Variants in CCSER1 observed in about 807,000 individuals in gnomAD.
The protein encoded by CCSER1 is coiled-coil serine rich protein 1.
Under a neutral mutation model 82.0 loss-of-function variants are expected in CCSER1, and 41 were observed. The observed-to-expected ratio is 0.50, with a 90% CI of 0.39 to 0.65. The LOEUF is 0.65. Among genes scored for constraint, CCSER1 ranks in the 30% least tolerant of loss-of-function variants. CCSER1 has a pLI of 0.00. For missense variants in CCSER1, 1,119 were observed against 1,064.2 expected (o/e 1.05, Z -0.72); for synonymous variants, 414 against 383.9 (o/e 1.08, Z -0.92).
intron 7 of CCSER1, among the ~76,000 whole-genome samples, chr4:90,792,942 G>T (rs1400769924): frequency 1.3e-5 from 2 of 152,198 alleles, no homozygotes; most frequent in African/African-American, 4.8e-5. Flanking sequence ...GATAAGGGAA[G>T]TGTTTGGAGT....
intron 10 of CCSER1, among the ~76,000 whole-genome samples, chr4:91,474,812 TACACACACACAC>T (rs67642697): frequency 9.7e-4 from 64 of 66,044 alleles, no homozygotes; most frequent in African/African-American, 2.1e-3. Context: ...TATATATATA[TACACACACACAC>T]ACACACACAC....
chr4:90,143,287 A>G (rs957423058), intron 1 of CCSER1, among the ~76,000 whole-genome samples: 1 of 152,202 alleles, frequency 6.6e-6, no homozygotes, highest in Non-Finnish European at 1.5e-5. Context: ...CAAGTCAAGC[A>G]TCATGTCTTC....
chr4:90,511,645 G>A (rs976228872), intron 5 of CCSER1, among the ~76,000 whole-genome samples: 3 of 152,172 alleles, frequency 2.0e-5, no homozygotes, highest in African/African-American at 4.8e-5. Flanking sequence ...GTGATATAGA[G>A]CTCCTGTTTG....
Position 90,648,786 on chromosome 4 carries a change from A to T in CCSER1, c.1932+20554A>T, listed in dbSNP as rs938842488. Among the ~76,000 whole-genome samples, 7 of 152,180 alleles carry T rather than the reference A, an allele frequency of 4.6e-5. No individual in the cohort carries two copies. In the South Asian group the frequency reaches 1.2e-3, roughly 27 times the overall value. ...TTCTTTTAGCCACCCAATCTGTGGTATTTTGTTATGGCAGCCCTAGAAAAG... is the reference window on the plus strand; with the variant it reads ...TTCTTTTAGCCACCCAATCTGTGGTTTTTTGTTATGGCAGCCCTAGAAAAG... On this transcript the variant is annotated intron_variant, in intron 6 of 10. Coordinates refer to ENST00000509176, the MANE Select transcript of CCSER1 (RefSeq NM_001145065.2).
chr4:90,939,506 G>A (rs1581155136), intron 9 of CCSER1, among the ~76,000 whole-genome samples: 1 of 152,142 alleles, frequency 6.6e-6, no homozygotes, highest in African/African-American at 2.4e-5. Flanking sequence ...GAATGTTGCA[G>A]TTTACTGCAA....
intron 10 of CCSER1, among the ~76,000 whole-genome samples, chr4:91,192,919 T>G (rs896811685): frequency 1.3e-5 from 2 of 152,180 alleles, no homozygotes; most frequent in Non-Finnish European, 1.5e-5. Flanking sequence ...ATCAAGCTGT[T>G]TTTCCTGACT....
At chr4:90,212,565 C>T (rs760367121) in intron 1 of CCSER1, among the ~76,000 whole-genome samples, 15 of 152,036 alleles carry the variant, frequency 9.9e-5, no homozygotes, top group Non-Finnish European at 1.6e-4. Flanking sequence ...ATAAATTTAA[C>T]CCTGAATAAA....
At chr4:90,657,446 G>A (rs1358833705) in intron 6 of CCSER1, among the ~76,000 whole-genome samples, 1 of 152,080 alleles carries the variant, frequency 6.6e-6, no homozygotes, top group Non-Finnish European at 1.5e-5. Context: ...ATCTGATCCA[G>A]TATCTTTTCA....
At chr4:90,483,465 C>T (rs936458522) in intron 5 of CCSER1, among the ~76,000 whole-genome samples, 4 of 152,122 alleles carry the variant, frequency 2.6e-5, no homozygotes, top group African/African-American at 9.7e-5. Context: ...TTCTTCCTAG[C>T]CTTGATGGTC....
At chr4:91,201,073 A>G (rs1735870448) in intron 10 of CCSER1, among the ~76,000 whole-genome samples, 1 of 152,048 alleles carries the variant, frequency 6.6e-6, no homozygotes, top group South Asian at 2.1e-4. Context: ...TATAGGTACC[A>G]GTCTCATGGA....
chr4:91,119,443 A>T (rs1042048498), intron 10 of CCSER1, among the ~76,000 whole-genome samples: 3 of 152,016 alleles, frequency 2.0e-5, no homozygotes, highest in African/African-American at 7.2e-5. Flanking sequence ...CATTTTTAAC[A>T]TTTAACTTCA....
intron 9 of CCSER1, among the ~76,000 whole-genome samples, chr4:90,954,768 G>A (rs577303989): frequency 7.0e-6 from 1 of 142,690 alleles, no homozygotes; most frequent in Admixed American, 7.4e-5. Flanking sequence ...TTTATGTGTT[G>A]AGGGTATGCA....
At chr4:90,914,976 A>G (rs539657251) in intron 8 of CCSER1, among the ~76,000 whole-genome samples, 5 of 152,186 alleles carry the variant, frequency 3.3e-5, no homozygotes, top group Admixed American at 1.3e-4. Flanking sequence ...AAGAAGGTGA[A>G]TCTCTGAATA....
At position 90,835,260 on chromosome 4, in the gene CCSER1, G is replaced by T. The variant is rs1053184435; in HGVS notation, c.2094+19415G>T. ...GCAGGAGAATGGCGTGAACCCGGGAGGGGGAGCTTGCAGTGAGCCGAGATG... is the reference window on the plus strand; with the variant it reads ...GCAGGAGAATGGCGTGAACCCGGGATGGGGAGCTTGCAGTGAGCCGAGATG... On this transcript the variant is annotated intron_variant, in intron 8 of 10. Coordinates refer to ENST00000509176, the MANE Select transcript of CCSER1 (RefSeq NM_001145065.2). 2.6e-5 allele frequency among the ~76,000 whole-genome samples: 4 copies of T among 152,328 alleles called. No homozygotes were observed. In the South Asian group the frequency reaches 6.2e-4, roughly 24 times the overall value.
chr4:91,524,974 G>C (rs1760699489), intron 10 of CCSER1, among the ~76,000 whole-genome samples: 1 of 152,020 alleles, frequency 6.6e-6, no homozygotes, highest in Admixed American at 6.6e-5. Context: ...GGCAGCTTAA[G>C]ACTCCATTAA....
intron 10 of CCSER1, among the ~76,000 whole-genome samples, chr4:91,350,037 T>C (rs1340867192): frequency 2.0e-5 from 3 of 152,178 alleles, no homozygotes; most frequent in African/African-American, 7.2e-5. Context: ...TGTTCTGTTT[T>C]TTCATTGTAG....
intron 9 of CCSER1, among the ~76,000 whole-genome samples, chr4:90,944,531 C>T (rs1732001032): frequency 6.6e-6 from 1 of 152,210 alleles, no homozygotes; most frequent in African/African-American, 2.4e-5. Context: ...TTGAGATCCA[C>T]AGTCATAGCT....
At chr4:91,043,713 C>T (rs1438225934) in intron 9 of CCSER1, among the ~76,000 whole-genome samples, 4 of 151,654 alleles carry the variant, frequency 2.6e-5, no homozygotes, top group Admixed American at 6.6e-5. Flanking sequence ...GCCTCAGCCT[C>T]CCGAGTAACT....
At chr4:90,404,329 G>C (rs1014969086) in intron 4 of CCSER1, among the ~76,000 whole-genome samples, 17 of 152,210 alleles carry the variant, frequency 1.1e-4, no homozygotes, top group African/African-American at 3.6e-4. Context: ...CCCAAGGAGA[G>C]GCTGAGCTCA....
Sources: gnomAD v4.1 joint callset for allele counts (sites outside exome capture counted in the v4.1 genomes callset) on GRCh38, gnomAD v4.1.1 for gene constraint, MANE v1.5 for transcripts, NCBI Gene and HGNC (gene_info 2026-07-23, HGNC 2026-07-21) for gene names.